The following DYRK1A variants were observed in gnomAD, a reference collection of about 807,000 sequenced individuals.
DYRK1A encodes dual specificity tyrosine phosphorylation regulated kinase 1A, also known as dual specificity tyrosine-phosphorylation-regulated kinase 1A.
A neutral mutation model predicts 79.7 loss-of-function variants in DYRK1A; 9 were observed. The observed-to-expected ratio is 0.11, with a 90% CI of 0.07 to 0.20. The LOEUF (loss-of-function observed/expected upper bound fraction) is 0.20, where lower values mean the gene tolerates loss of function less well. DYRK1A is among the 10% of genes least tolerant of loss of function. The pLI is 1.00. For synonymous variants in DYRK1A, 349 were observed against 329.7 expected, an observed-to-expected ratio of 1.06 and a Z score of -0.63; for missense variants, 622 against 956.0, an observed-to-expected ratio of 0.65 and a Z score of 4.61.
rs1346483454 is a variant in DYRK1A, at chr21:37,442,643, A to G, written c.10+22259A>G. On this transcript the variant is annotated intron_variant, in intron 2 of 11. Transcript: ENST00000647188. ...GGGTCTTCCTATGTCTCTGTTTGCT[A>G]TGACGGGCTGGATTTGAATTCCTGG... Among the ~76,000 whole-genome samples the G allele has an allele frequency of 3.3e-5, 5 of 151,806 alleles. No individual in the cohort carries two copies. In the East Asian group the frequency reaches 7.7e-4, roughly 23 times the overall value.
intron 3 of DYRK1A, among the ~76,000 whole-genome samples, chr21:37,476,680 G>A (rs1601212018): frequency 3.3e-5 from 5 of 152,186 alleles, no homozygotes; most frequent in Admixed American, 3.3e-4. Context: ...AGTCCTTAAG[G>A]AATAGTATAA....
intron 1 of DYRK1A, among the ~76,000 whole-genome samples, chr21:37,405,980 AT>A (rs1373926789): frequency 6.6e-6 from 1 of 151,398 alleles, no homozygotes; most frequent in East Asian, 1.9e-4. Context: ...TGTTGATGTT[AT>A]TGAAGTGTAT....
chr21:37,439,575 G>A (rs1000730358), intron 2 of DYRK1A, among the ~76,000 whole-genome samples: 1 of 152,242 alleles, frequency 6.6e-6, no homozygotes, highest in Non-Finnish European at 1.5e-5. Context: ...CATTAGACTC[G>A]CATAGACATG....
At position 37,517,434 on chromosome 21, in the gene DYRK1A, A is replaced by C. The variant is rs972869833; in HGVS notation, c.*4903A>C. ...AGCTATTTGATAATCTTCCCGATTAAATTTCTAAAATTGCTACTTTGGGAA... is the reference window on the plus strand; with the variant it reads ...AGCTATTTGATAATCTTCCCGATTACATTTCTAAAATTGCTACTTTGGGAA... On this transcript the variant is annotated 3_prime_UTR_variant, in exon 12 of 12. Transcript: ENST00000647188. 1 of 152,176 alleles carries C rather than the reference A, an allele frequency of 6.6e-6. No individual in the cohort carries two copies. Among genetic ancestry groups the C allele is most frequent in the African/African-American group, 2.4e-5 (1 of 41,430 alleles). The allele number at this position is 152,176 out of a possible 1,614,324, so 9.4% of individuals were successfully genotyped here. A position where few individuals can be genotyped will look rare whatever the true frequency, so the allele number is the denominator to read the frequency against.
In DYRK1A at chr21:37,512,348, C is replaced by G; in HGVS notation, c.2082C>G (p.Thr694=). 1 of 1,614,204 alleles carries G rather than the reference C, an allele frequency of 6.2e-7. No homozygotes were observed. The highest frequency in any genetic ancestry group is 8.5e-7 in the Non-Finnish European group (1 of 1,180,040). The change falls in exon 12 of 12, where the codon ACC becomes ACG. Residue 694 remains threonine (T), a synonymous_variant. Transcript: ENST00000647188. ...GQNGAMDVNL[T]VYSNPRQETG... ...ATGGAGCTATGGACGTTAATTTGACCGTCTACTCCAATCCCCGCCAAGAGA... is the reference window on the plus strand; with the variant it reads ...ATGGAGCTATGGACGTTAATTTGACGGTCTACTCCAATCCCCGCCAAGAGA...
In DYRK1A at chr21:37,515,941, C is replaced by G. The variant is rs2053876277; in HGVS notation, c.*3410C>G. 2.0e-5 allele frequency: 3 copies of G among 152,164 alleles called. No individual in the cohort carries two copies. The highest frequency in any genetic ancestry group is 7.2e-5 in the African/African-American group (3 of 41,450). The allele number at this position is 152,164 out of a possible 1,614,324, so 9.4% of individuals were successfully genotyped here. On this transcript the variant is annotated 3_prime_UTR_variant, in exon 12 of 12. Transcript: ENST00000647188. The stretch of plus-strand genomic sequence containing the variant: ...CATTGAGTTTGCCCCTGTACTGCTT[C>G]CCAGCTTTTGTGGTGTTGAACTTTT...
intron 3 of DYRK1A, among the ~76,000 whole-genome samples, chr21:37,476,245 G>C (rs757168822): frequency 6.6e-6 from 1 of 152,176 alleles, no homozygotes; most frequent in Non-Finnish European, 1.5e-5. Flanking sequence ...CTGGTTTCGC[G>C]TGTGTAAAAT....
At chr21:37,406,154 C>A (rs1157574866) in intron 1 of DYRK1A, among the ~76,000 whole-genome samples, 1 of 152,036 alleles carries the variant, frequency 6.6e-6, no homozygotes, top group Non-Finnish European at 1.5e-5. Flanking sequence ...GTTTGAAATG[C>A]CTCAAATGTC....
At chr21:37,501,204 C>T in intron 9 of DYRK1A, 1 of 128,690 alleles carries the variant, frequency 7.8e-6, no homozygotes, top group African/African-American at 3.5e-5. Context: ...CGGAGTCTCG[C>T]TCTGTTGCCA....
At chr21:37,506,293 G>A (rs539865453) in intron 11 of DYRK1A, 70 bp downstream of exon 11, 1 of 1,612,926 alleles carries the variant, frequency 6.2e-7, no homozygotes, top group Admixed American at 1.7e-5. Context: ...TGGATGCCAG[G>A]TGCCTTTAGA....
intron 8 of DYRK1A, among the ~76,000 whole-genome samples, chr21:37,494,082 A>T (rs527607824): frequency 2.0e-5 from 3 of 151,452 alleles, no homozygotes; most frequent in Admixed American, 1.3e-4. Flanking sequence ...ACTAGAGTTG[A>T]TGTTTCACCA....
rs1159476295 is a variant in DYRK1A, at chr21:37,515,063, T to G, written c.*2532T>G. 6.6e-6 allele frequency: 1 copy of G among 152,670 alleles called. No homozygotes were observed. Among genetic ancestry groups the G allele is most frequent in the African/African-American group, 2.4e-5 (1 of 41,448 alleles). The allele number at this position is 152,670 out of a possible 1,614,324, so 9.5% of individuals were successfully genotyped here. On this transcript the variant is annotated 3_prime_UTR_variant, in exon 12 of 12. Transcript: ENST00000647188. ...AGGTTAAATACCTGTGTTCAGATTG[T>G]AAGATCTAGTCCGGACTTGCTGTGT...
intron 2 of DYRK1A, among the ~76,000 whole-genome samples, chr21:37,427,766 G>A (rs968854006): frequency 9.2e-5 from 14 of 151,980 alleles, no homozygotes; most frequent in African/African-American, 3.1e-4. Flanking sequence ...CTGCACCCTA[G>A]GATCCTAGGT....
intron 10 of DYRK1A, 77 bp from the exon 11 acceptor site, chr21:37,506,022 T>C: frequency 6.7e-7 from 1 of 1,496,744 alleles, no homozygotes; most frequent in Non-Finnish European, 9.0e-7. Context: ...GTTTTAATGG[T>C]ATAGCTTCAG....
rs117185941 is a variant in DYRK1A, at chr21:37,394,182, G to A, written c.-76-26117G>A. 2.4e-3 allele frequency among the ~76,000 whole-genome samples: 364 copies of A among 150,480 alleles called. 1 individual carries two copies. Among genetic ancestry groups the A allele is most frequent in the Non-Finnish European group, 4.2e-3 (283 of 67,590 alleles). ...TTTTTATTGTCTAATCCTACTGACC[G>A]ATTCATTTTGTAATGCAGTGGTGTA... On this transcript the variant is annotated intron_variant, in intron 1 of 11. Transcript: ENST00000647188.
intron 5 of DYRK1A, chr21:37,481,276 C>CT (rs2052631883): frequency 6.5e-6 from 1 of 152,870 alleles, no homozygotes; most frequent in South Asian, 2.1e-4. Flanking sequence ...TGTTCCCTGG[C>CT]TTTTTCTCCC....
chr21:37,506,321 C>T (rs1452531511), intron 11 of DYRK1A, 98 bp downstream of exon 11: 10 of 1,607,376 alleles, frequency 6.2e-6, no homozygotes, highest in Non-Finnish European at 6.8e-6. Flanking sequence ...TATCATTTAC[C>T]CTAGAGGTTC....
At chr21:37,483,693 C>A (rs7276218) in intron 5 of DYRK1A, among the ~76,000 whole-genome samples, 66,714 of 151,828 alleles carry the variant, frequency 0.44, 15,411 homozygotes, top group East Asian at 0.57. Context: ...AGTGATCCTC[C>A]CACTTCAGCC....
rs1205922689 is a variant in DYRK1A at position 37,419,584 on chromosome 21, C to T, written c.-76-715C>T. On this transcript the variant is annotated intron_variant, in intron 1 of 11. Transcript: ENST00000647188. ...GTATCAATTTAAAACATAAAGTTTT[C>T]ACTCAACTCCTTTAGAAGTTAGATT... is the stretch of plus-strand genomic sequence containing the variant. 3 of 152,140 alleles carry T rather than the reference C, an allele frequency of 2.0e-5. No individual in the cohort carries two copies. The East Asian group carries it at 5.8e-4, about 29-fold the overall frequency. The allele number at this position is 152,140 out of a possible 1,614,324, so 9.4% of individuals were successfully genotyped here.
Sources: gnomAD v4.1 joint callset for allele counts (sites outside exome capture counted in the v4.1 genomes callset) on GRCh38, gnomAD v4.1.1 for gene constraint, MANE v1.5 for transcripts, NCBI Gene and HGNC (gene_info 2026-07-23, HGNC 2026-07-21) for gene names.